Variants in BMP6 observed in about 807,000 individuals in gnomAD.
BMP6 encodes the protein bone morphogenetic protein 6.
BMP6 carries 17 observed loss-of-function variants against 54.1 expected under a neutral mutation model. That is an observed-to-expected ratio of 0.31 (90% CI 0.22 to 0.47). The LOEUF is 0.47. Among genes scored for constraint, BMP6 ranks in the 20% least tolerant of loss-of-function variants. The pLI is 1.00. For missense variants in BMP6, 720 were observed against 690.4 expected, an observed-to-expected ratio of 1.04 and a Z score of -0.48; for synonymous variants, 328 against 291.2, an observed-to-expected ratio of 1.13 and a Z score of -1.28.
At chr6:7,842,910 A>G (rs1758999758) in intron 1 of BMP6, among the ~76,000 whole-genome samples, 1 of 152,360 alleles carries the variant, frequency 6.6e-6, no homozygotes, top group South Asian at 2.1e-4. Context: ...ATCTTAAAAT[A>G]TTATTTTCAT....
intron 1 of BMP6, among the ~76,000 whole-genome samples, chr6:7,730,909 A>G (rs2113102269): frequency 6.6e-6 from 1 of 152,374 alleles, no homozygotes; most frequent in Middle Eastern, 3.4e-3. Flanking sequence ...GGAAAGTATT[A>G]CATAGTTGTA....
At chr6:7,873,643 T>C (rs577788687) in intron 4 of BMP6, among the ~76,000 whole-genome samples, 2 of 152,110 alleles carry the variant, frequency 1.3e-5, no homozygotes, top group Non-Finnish European at 2.9e-5. Flanking sequence ...TTTTGGTAAC[T>C]AGCCCCCATC....
At chr6:7,752,413 G>T (rs189733992) in intron 1 of BMP6, among the ~76,000 whole-genome samples, 1 of 152,240 alleles carries the variant, frequency 6.6e-6, no homozygotes, top group East Asian at 1.9e-4. Context: ...CTTTGTATAG[G>T]CTTGATGAGT....
At chr6:7,856,666 G>A (rs928726115) in intron 2 of BMP6, among the ~76,000 whole-genome samples, 3 of 133,998 alleles carry the variant, frequency 2.2e-5, no homozygotes, top group Non-Finnish European at 3.1e-5. Context: ...GCGGGATCTC[G>A]GCTCACTGCA....
At chr6:7,836,277 A>T (rs1287528716) in intron 1 of BMP6, among the ~76,000 whole-genome samples, 1 of 152,192 alleles carries the variant, frequency 6.6e-6, no homozygotes, top group African/African-American at 2.4e-5. Context: ...AAAGCTCTTT[A>T]CGATACATGT....
Position 7,872,725 on chromosome 6 carries a change from A to G in BMP6, c.1205-6349A>G, listed in dbSNP as rs369266767. On this transcript the variant is annotated intron_variant, in intron 4 of 6. Transcript: ENST00000283147. ...GCAGAAAAAGAAACTGGAAATCCAG[A>G]CATGAAGTGGTGGTCTCTGCCTGTG... Among the ~76,000 whole-genome samples the G allele has an allele frequency of 2.5e-3, 384 of 152,316 alleles. 5 individuals are homozygous for G. Among genetic ancestry groups the G allele is most frequent in the African/African-American group, 8.6e-3 (358 of 41,560 alleles).
chr6:7,756,490 T>C (rs1211342588), intron 1 of BMP6, among the ~76,000 whole-genome samples: 4 of 152,228 alleles, frequency 2.6e-5, no homozygotes, highest in Non-Finnish European at 1.5e-5. Context: ...TCTGTTTTTA[T>C]GGATTGATTT....
chr6:7,764,164 T>C (rs954464847), intron 1 of BMP6, among the ~76,000 whole-genome samples: 1 of 152,178 alleles, frequency 6.6e-6, no homozygotes, highest in Non-Finnish European at 1.5e-5. Flanking sequence ...TTCTGTGTTT[T>C]CAGCTGAGGC....
At chr6:7,851,738 C>A (rs1759145604) in intron 2 of BMP6, among the ~76,000 whole-genome samples, 2 of 152,024 alleles carry the variant, frequency 1.3e-5, no homozygotes, top group South Asian at 2.1e-4. Context: ...AAAGGAAATT[C>A]TTCTCTATTT....
intron 4 of BMP6, among the ~76,000 whole-genome samples, chr6:7,873,887 A>C (rs889516723): frequency 2.0e-5 from 3 of 152,106 alleles, no homozygotes; most frequent in African/African-American, 7.2e-5. Flanking sequence ...AATGATGCCA[A>C]GATGGTCTTC....
At chr6:7,813,108 A>AAATATATATATAT (rs1554122651) in intron 1 of BMP6, among the ~76,000 whole-genome samples, 1 of 21,496 alleles carries the variant, frequency 4.7e-5, no homozygotes, top group African/African-American at 2.0e-4. Context: ...AAAAAAAAAA[A>AAATATATATATAT]ATATATATAT....
At chr6:7,793,620 G>A (rs1211609556) in intron 1 of BMP6, among the ~76,000 whole-genome samples, 1 of 152,132 alleles carries the variant, frequency 6.6e-6, no homozygotes, top group Admixed American at 6.5e-5. Context: ...CTTGGTGGGA[G>A]GCAGACAGGG....
At chr6:7,771,341 C>A (rs1318715282) in intron 1 of BMP6, among the ~76,000 whole-genome samples, 1 of 152,186 alleles carries the variant, frequency 6.6e-6, no homozygotes, top group Non-Finnish European at 1.5e-5. Flanking sequence ...GTTTGTGGGA[C>A]TCTACCGGCC....
At chr6:7,804,664 C>T (rs1758321335) in intron 1 of BMP6, among the ~76,000 whole-genome samples, 1 of 152,150 alleles carries the variant, frequency 6.6e-6, no homozygotes, top group Admixed American at 6.5e-5. Context: ...GTGTCTTTTA[C>T]GTGCCAGTCA....
In BMP6 at chr6:7,851,758, T is replaced by C. The variant is rs115326218; in HGVS notation, c.857+6426T>C. Among the ~76,000 whole-genome samples the C allele has an allele frequency of 7.8e-3, 1,193 of 152,280 alleles. 13 individuals carry two copies. Among genetic ancestry groups the C allele is most frequent in the African/African-American group, 0.027 (1,131 of 41,564 alleles). On this transcript the variant is annotated intron_variant, in intron 2 of 6. Transcript: ENST00000283147. ...AAATTCTTCTCTATTTCTAGTATTC[T>C]AAGAGTTTTTTAACATTAGGAATGG...
At chr6:7,824,918 C>T (rs1272378723) in intron 1 of BMP6, among the ~76,000 whole-genome samples, 3 of 152,182 alleles carry the variant, frequency 2.0e-5, no homozygotes, top group Non-Finnish European at 1.5e-5. Context: ...TTAACAAAGG[C>T]ATTTCATACC....
chr6:7,752,174 T>G (rs1003251566), intron 1 of BMP6, among the ~76,000 whole-genome samples: 4 of 152,252 alleles, frequency 2.6e-5, no homozygotes, highest in African/African-American at 9.6e-5. Flanking sequence ...GCAGGTGTGA[T>G]CTTTGTCTCA....
chr6:7,879,108 G>A lies in BMP6; in HGVS notation c.1239G>A (p.Arg413=). 1 of 1,614,244 alleles carries A rather than the reference G, an allele frequency of 6.2e-7. No homozygotes were observed. Among genetic ancestry groups the A allele is most frequent in the South Asian group, 1.1e-5 (1 of 91,086 alleles). ...GCAGTGAATTGAAAACAGCCTGCAG[G>A]AAGCATGAGCTGTATGTGAGTTTCC... is the stretch of plus-strand genomic sequence containing the variant. ...YNSSELKTAC[R]KHELYVSFQD... The change falls in exon 5 of 7, where the codon AGG becomes AGA. Residue 413 remains arginine, a synonymous_variant. Transcript: ENST00000283147.
chr6:7,727,233 C>A lies in BMP6; in HGVS notation c.278C>A (p.Pro93His), dbSNP rs759757384. 2 of 1,606,428 alleles carry A rather than the reference C, an allele frequency of 1.2e-6. No homozygotes were observed. Among genetic ancestry groups the A allele is most frequent in the South Asian group, 2.2e-5 (2 of 90,556 alleles). ...TCGGTGCTGGGGCTCCCGCACCGGC[C>A]CCGGCCCCTGCACGGCCTCCAACAG... ...ILSVLGLPHR[P>H]RPLHGLQQPQ... Residue 93 changes from proline (P) to histidine (H), a missense_variant, in exon 1 of 7, where the codon CCC becomes CAC. By Grantham distance (77) the Pro-to-His change is moderately conservative. This residue lies in a region of BMP6 where 650 missense variants were observed against 556.3 expected (regional missense o/e 1.17). Transcript: ENST00000283147.
Sources: gnomAD v4.1 joint callset for allele counts (sites outside exome capture counted in the v4.1 genomes callset) on GRCh38, gnomAD v4.1.1 for gene constraint, gnomAD v4.1.1 regional missense constraint, MANE v1.5 for transcripts, NCBI Gene and HGNC (gene_info 2026-07-23, HGNC 2026-07-21) for gene names.